Variants in AMPD3 observed in about 807,000 individuals in gnomAD.
The protein encoded by AMPD3 is AMP deaminase 3.
A neutral mutation model predicts 82.3 loss-of-function variants in AMPD3; 57 were observed. The observed-to-expected ratio is 0.69, with a 90% CI of 0.56 to 0.86. The LOEUF (loss-of-function observed/expected upper bound fraction) is 0.86. Among genes scored for constraint, AMPD3 ranks in the 40% least tolerant of loss-of-function variants. The pLI, the probability that AMPD3 is intolerant of heterozygous loss-of-function variation, is 0.00. For missense variants in AMPD3, 870 were observed against 1,003.8 expected, an observed-to-expected ratio of 0.87 and a Z score of 1.80; for synonymous variants, 381 against 394.7, an observed-to-expected ratio of 0.97 and a Z score of 0.41.
upstream of AMPD3, among the ~76,000 whole-genome samples, chr11:10,454,538 G>A (rs1398507153): frequency 1.3e-5 from 2 of 152,216 alleles, no homozygotes; most frequent in African/African-American, 2.4e-5. Flanking sequence ...GAATTTGCTA[G>A]TAGAAACTGT....
chr11:10,476,100 A>G (rs1848728320), intron 2 of AMPD3, among the ~76,000 whole-genome samples: 1 of 152,198 alleles, frequency 6.6e-6, no homozygotes, highest in Non-Finnish European at 1.5e-5. Flanking sequence ...GCAGCAATAG[A>G]AAACAAATCC....
intron 9 of AMPD3, among the ~76,000 whole-genome samples, chr11:10,495,948 A>C (rs1591480268): frequency 2.2e-5 from 3 of 135,768 alleles, no homozygotes; most frequent in South Asian, 2.3e-4. Context: ...ACAGAGTCTC[A>C]CTCTGTCACC....
chr11:10,492,570 G>T (rs75667205), intron 6 of AMPD3, among the ~76,000 whole-genome samples: 1 of 152,262 alleles, frequency 6.6e-6, no homozygotes, highest in East Asian at 1.9e-4. Flanking sequence ...AGAACCTGTC[G>T]TACCTGTTAA....
chr11:10,475,577 T>G (rs1848715434), intron 2 of AMPD3, among the ~76,000 whole-genome samples: 1 of 152,208 alleles, frequency 6.6e-6, no homozygotes, highest in Non-Finnish European at 1.5e-5. Context: ...AATCTCCAGA[T>G]GCAGTGAATA....
At position 10,505,702 on chromosome 11, in the gene AMPD3, C is replaced by T; in HGVS notation, c.2128-6C>T. The T allele has an allele frequency of 6.2e-7, 1 of 1,613,158 alleles. No individual in the cohort carries two copies. The highest frequency in any genetic ancestry group is 1.1e-5 in the South Asian group (1 of 91,040). On this transcript the variant is annotated splice_polypyrimidine_tract_variant and splice_region_variant and intron_variant, in intron 14 of 14. Coordinates refer to ENST00000396553, the MANE Select transcript of AMPD3 (RefSeq NM_001025389.2). ...TAGTTTCATTTGTATTTCTCTTGGT[C>T]CACAGGAAAAGCAAAAGTTTCTGGG...
chr11:10,487,637 G>T (rs1431669244), intron 6 of AMPD3, among the ~76,000 whole-genome samples: 1 of 152,220 alleles, frequency 6.6e-6, no homozygotes, highest in Non-Finnish European at 1.5e-5. Context: ...CCTCTTCCTT[G>T]GAAAATAGGG....
chr11:10,500,335 GATCC>G, intron 11 of AMPD3, 86 bp downstream of exon 11: 1 of 1,525,836 alleles, frequency 6.6e-7, no homozygotes, highest in Non-Finnish European at 9.0e-7. Context: ...ACATGCATGT[GATCC>G]TTGTGTCCGT....
upstream of AMPD3, chr11:10,450,699 C>T (rs1446260595): frequency 1.9e-6 from 2 of 1,071,176 alleles, no homozygotes; most frequent in East Asian, 6.2e-5. Flanking sequence ...TCAAGTTTCC[C>T]GTTGGCGGCG....
In AMPD3 at chr11:10,506,700, A is replaced by G. The variant is rs1849722320; in HGVS notation, c.*816A>G. On this transcript the variant is annotated 3_prime_UTR_variant, in exon 15 of 15. Coordinates refer to ENST00000396553, the MANE Select transcript of AMPD3 (RefSeq NM_001025389.2). This position sits in a 1 kb window ranked among gnomAD's most constrained non-coding sequence, Gnocchi z 4.1. Reference sequence around the variant, plus strand: ...GAAGAACTTCAAAAAGCACAGGACTAGATGATCTCTGTTCCTTTTGGCTCT... The same window carrying G: ...GAAGAACTTCAAAAAGCACAGGACTGGATGATCTCTGTTCCTTTTGGCTCT... 1 of 152,506 alleles carries G rather than the reference A, an allele frequency of 6.6e-6. No individual in the cohort carries two copies. The highest frequency in any genetic ancestry group is 2.4e-5 in the African/African-American group (1 of 41,468). The allele number at this position is 152,506 out of a possible 1,614,324, so 9.4% of individuals were successfully genotyped here. A position where few individuals can be genotyped will look rare whatever the true frequency, so the allele number is the denominator to read the frequency against.
At position 10,456,197 on chromosome 11, in the gene AMPD3, A is replaced by G; in HGVS notation, c.-6+749A>G. 7.0e-7 allele frequency: 1 copy of G among 1,425,834 alleles called. No individual in the cohort carries two copies. The highest frequency in any genetic ancestry group is 1.6e-5 in the South Asian group (1 of 62,800). The allele number at this position is 1,425,834 out of a possible 1,614,324, so 88.3% of individuals were successfully genotyped here. On this transcript the variant is annotated intron_variant, in intron 1 of 14. Transcript: ENST00000396553. This position sits in a 1 kb window ranked among gnomAD's most constrained non-coding sequence, Gnocchi z 4.3. Reference sequence around the variant, plus strand: ...CACTCATATTTCATATTCACGAGAGAATTTCCAGCCCAGGCTTTTCCTGCT... The same window carrying G: ...CACTCATATTTCATATTCACGAGAGGATTTCCAGCCCAGGCTTTTCCTGCT...
Position 10,464,755 on chromosome 11 carries a change from G to A in AMPD3, c.221+3015G>A, listed in dbSNP as rs1256066407. Among the ~76,000 whole-genome samples the A allele has an allele frequency of 5.9e-5, 9 of 152,322 alleles. No individual in the cohort carries two copies. In the East Asian group the frequency reaches 1.5e-3, roughly 26 times the overall value. ...AATGTTCGAAAGTTAACATTTTCAT[G>A]GAGGACACCCTCTCCCCAGCTCCCT... is the stretch of plus-strand genomic sequence containing the variant. On this transcript the variant is annotated intron_variant, in intron 2 of 14. Transcript: ENST00000396553.
chr11:10,495,173 C>T, intron 8 of AMPD3, 143 bp downstream of exon 8: 6 of 1,589,588 alleles, frequency 3.8e-6, no homozygotes, highest in Non-Finnish European at 5.1e-6. Context: ...GCCCAGGTGC[C>T]CAGTGCTGTG....
intron 2 of AMPD3, among the ~76,000 whole-genome samples, chr11:10,462,877 A>C (rs917417454): frequency 1.3e-5 from 2 of 152,182 alleles, no homozygotes; most frequent in African/African-American, 2.4e-5. Flanking sequence ...GCTAGGGCAA[A>C]GGCCCCCCAG....
chr11:10,479,388 T>C (rs531622071), intron 3 of AMPD3, among the ~76,000 whole-genome samples: 8 of 152,300 alleles, frequency 5.3e-5, no homozygotes, highest in African/African-American at 1.9e-4. Context: ...ACTCACTACT[T>C]AACGCCTCAG....
At chr11:10,478,444 C>T (rs1400348072) in intron 2 of AMPD3, 82 bp from the exon 3 acceptor site, 2 of 1,586,382 alleles carry the variant, frequency 1.3e-6, no homozygotes, top group African/African-American at 1.3e-5. Context: ...AATTCTCCTG[C>T]CACGCACACA....
intron 14 of AMPD3, 71 bp from the exon 15 acceptor site, chr11:10,505,637 A>G (rs1849698474): frequency 6.3e-7 from 1 of 1,583,700 alleles, no homozygotes. Context: ...ACTGATGTCA[A>G]AGCTGCCCAC....
At chr11:10,451,040 C>T, upstream of AMPD3, 2 of 1,581,746 alleles carry the variant, frequency 1.3e-6, no homozygotes. Flanking sequence ...GTCGTCCGAA[C>T]CCGGTGAGTG....
chr11:10,456,687 C>A lies in AMPD3; in HGVS notation c.-6+1239C>A. 1.1e-6 allele frequency: 1 copy of A among 885,460 alleles called. No homozygotes were observed. Among genetic ancestry groups the A allele is most frequent in the Non-Finnish European group, 1.4e-6 (1 of 738,704 alleles). The allele number at this position is 885,460 out of a possible 1,614,324, so 54.9% of individuals were successfully genotyped here. On this transcript the variant is annotated intron_variant, in intron 1 of 14. Coordinates refer to ENST00000396553, the MANE Select transcript of AMPD3 (RefSeq NM_001025389.2). This position sits in a 1 kb window ranked among gnomAD's most constrained non-coding sequence, Gnocchi z 4.3. Reference sequence around the variant, plus strand: ...AGCCTCCCAAGCCTGCTGGCTTCAGCTGACAAAGGGTTGGAAGCCAGGCGT... The same window carrying A: ...AGCCTCCCAAGCCTGCTGGCTTCAGATGACAAAGGGTTGGAAGCCAGGCGT...
chr11:10,459,657 G>C (rs566400860), intron 1 of AMPD3, among the ~76,000 whole-genome samples: 4 of 152,322 alleles, frequency 2.6e-5, no homozygotes, highest in African/African-American at 9.6e-5. Flanking sequence ...TCCTCTTCCA[G>C]AGCTGCTCCC....
Sources: gnomAD v4.1 joint callset for allele counts (sites outside exome capture counted in the v4.1 genomes callset) on GRCh38, gnomAD v4.1.1 for gene constraint, Gnocchi (gnomAD v3.1) non-coding constraint, MANE v1.5 for transcripts, NCBI Gene and HGNC (gene_info 2026-07-23, HGNC 2026-07-21) for gene names.